SLC9A2: variants seen among roughly 807,000 people sequenced by gnomAD.
SLC9A2 encodes the protein solute carrier family 9 member A2, also known as sodium/hydrogen exchanger 2.
Under a neutral mutation model 71.7 loss-of-function variants are expected in SLC9A2, and 42 were observed. The observed-to-expected ratio is 0.59, with a 90% CI of 0.46 to 0.76. The LOEUF (loss-of-function observed/expected upper bound fraction) is 0.76. Among genes scored for constraint, SLC9A2 ranks in the 30% least tolerant of loss-of-function variants. The probability of loss-of-function intolerance (pLI) is 0.00; values close to 1 mark genes in which losing one functional copy is unlikely to be tolerated. For synonymous variants in SLC9A2, 396 were observed against 392.5 expected (o/e 1.01, Z -0.10); for missense variants, 829 against 1,017.4 (o/e 0.81, Z 2.52).
intron 1 of SLC9A2, among the ~76,000 whole-genome samples, chr2:102,657,218 A>C (rs1435259639): frequency 1.3e-5 from 2 of 149,216 alleles, no homozygotes; most frequent in Non-Finnish European, 3.0e-5. Context: ...AAAAAAAAAT[A>C]ATAATAATAA....
chr2:102,691,201 G>C lies in SLC9A2; in HGVS notation c.1426-3213G>C, dbSNP rs887608394. On this transcript the variant is annotated intron_variant, in intron 5 of 11. Transcript: ENST00000233969. ...GCCTGACCCTCAGAGGTGGTGTTTA[G>C]TATGTATGCCAAAGTGAATGAACTG... Among the ~76,000 whole-genome samples the C allele has an allele frequency of 2.6e-5, 4 of 152,302 alleles. No individual in the cohort carries two copies. In the South Asian group the frequency reaches 8.3e-4, roughly 32 times the overall value.
In SLC9A2 at chr2:102,683,333, C is replaced by A; in HGVS notation, c.1077C>A (p.Ile359=). ...ENVSQKSYTT[I]KYFMKMLSSV... ...TATCTCAGAAATCCTACACGACCAT[C>A]AAGTACTTCATGAAGATGCTGAGCA... Residue 359 remains isoleucine, a synonymous_variant, in exon 4 of 12, where the codon ATC becomes ATA. Coordinates refer to ENST00000233969, the MANE Select transcript of SLC9A2 (RefSeq NM_003048.6). 6.2e-7 allele frequency: 1 copy of A among 1,614,026 alleles called. No individual in the cohort carries two copies. The highest frequency in any genetic ancestry group is 8.5e-7 in the Non-Finnish European group (1 of 1,179,854).
At chr2:102,691,934 A>G (rs944469575) in intron 5 of SLC9A2, among the ~76,000 whole-genome samples, 1 of 152,242 alleles carries the variant, frequency 6.6e-6, no homozygotes, top group African/African-American at 2.4e-5. Flanking sequence ...GAACACTGAT[A>G]GGAAAAGAGC....
chr2:102,636,595 C>T lies in SLC9A2; in HGVS notation c.289+16458C>T, dbSNP rs2104504840. ...AGAGTCCCTGGAAAGCTTTATATGG[C>T]TTAATGATAGCAGTGTGCAAACAGC... On this transcript the variant is annotated intron_variant, in intron 1 of 11. Coordinates refer to ENST00000233969, the MANE Select transcript of SLC9A2 (RefSeq NM_003048.6). Among the ~76,000 whole-genome samples the T allele has an allele frequency of 1.3e-5, 2 of 152,256 alleles. 1 individual carries two copies. The highest frequency in any genetic ancestry group is 4.8e-5 in the African/African-American group (2 of 41,562).
chr2:102,687,372 C>A (rs1254744389), intron 5 of SLC9A2, among the ~76,000 whole-genome samples: 5 of 152,120 alleles, frequency 3.3e-5, no homozygotes, highest in African/African-American at 1.2e-4. Context: ...CAGAATACAT[C>A]AATAATTAAG....
At chr2:102,626,344 G>T (rs1676248553) in intron 1 of SLC9A2, among the ~76,000 whole-genome samples, 1 of 152,152 alleles carries the variant, frequency 6.6e-6, no homozygotes, top group African/African-American at 2.4e-5. Flanking sequence ...TTTAACAAAT[G>T]GTGCTGGGAA....
At chr2:102,621,088 G>A (rs530627969) in intron 1 of SLC9A2, among the ~76,000 whole-genome samples, 19 of 152,134 alleles carry the variant, frequency 1.2e-4, no homozygotes, top group African/African-American at 2.2e-4. Flanking sequence ...CCCAGGAGGC[G>A]GAGGTTGCAT....
chr2:102,665,389 T>A, intron 3 of SLC9A2, 39 bp downstream of exon 3: 1 of 1,573,958 alleles, frequency 6.4e-7, no homozygotes, highest in African/African-American at 1.4e-5. Context: ...ATGATGGCAT[T>A]TCATTGAATG....
chr2:102,666,338 G>T lies in SLC9A2; in HGVS notation c.1004+988G>T, dbSNP rs560283333. On this transcript the variant is annotated intron_variant, in intron 3 of 11. Transcript: ENST00000233969. ...AGCCTCCTGAGTAGCTGGGACTGCAGGCGCCCGCCACCACACCGGGCTAAT... is the reference window on the plus strand; with the variant it reads ...AGCCTCCTGAGTAGCTGGGACTGCATGCGCCCGCCACCACACCGGGCTAAT... 4.9e-3 allele frequency among the ~76,000 whole-genome samples: 739 copies of T among 152,044 alleles called. 5 individuals carry two copies. Among genetic ancestry groups the T allele is most frequent in the African/African-American group, 0.017 (691 of 41,472 alleles).
chr2:102,667,489 G>A (rs1455700430), intron 3 of SLC9A2, among the ~76,000 whole-genome samples: 1 of 152,196 alleles, frequency 6.6e-6, no homozygotes, highest in Admixed American at 6.5e-5. Context: ...GCTATTGGGG[G>A]AAAGTTGAAG....
At chr2:102,671,612 C>A (rs1347152100) in intron 3 of SLC9A2, among the ~76,000 whole-genome samples, 1 of 152,100 alleles carries the variant, frequency 6.6e-6, no homozygotes, top group Non-Finnish European at 1.5e-5. Context: ...ATGAAATTAT[C>A]TGTATTTATT....
chr2:102,655,840 T>C (rs761464696), intron 1 of SLC9A2, among the ~76,000 whole-genome samples: 2 of 152,248 alleles, frequency 1.3e-5, no homozygotes, highest in Non-Finnish European at 2.9e-5. Flanking sequence ...ATTTGGTGTC[T>C]GGTGAGTGCC....
intron 1 of SLC9A2, among the ~76,000 whole-genome samples, chr2:102,622,165 A>G (rs991740913): frequency 6.6e-6 from 1 of 152,174 alleles, no homozygotes; most frequent in African/African-American, 2.4e-5. Context: ...CCAGATACAC[A>G]CATGTTTGTA....
intron 5 of SLC9A2, among the ~76,000 whole-genome samples, chr2:102,687,296 G>A (rs1215033223): frequency 2.0e-5 from 3 of 152,046 alleles, no homozygotes; most frequent in African/African-American, 7.2e-5. Flanking sequence ...ACACACACGT[G>A]CACAAGCGTG....
In SLC9A2 at chr2:102,657,618, T is replaced by C. The variant is rs760554321; in HGVS notation, c.344T>C (p.Ile115Thr). ...ATAGTGCCTGAGAGCTGCCTTCTTATAATGGTTGGACTTCTACTAGGTGGG... is the reference window on the plus strand; with the variant it reads ...ATAGTGCCTGAGAGCTGCCTTCTTACAATGGTTGGACTTCTACTAGGTGGG... Reference protein sequence around the residue: ...PTIVPESCLLIMVGLLLGGII... With the variant: ...PTIVPESCLLTMVGLLLGGII... Residue 115 changes from isoleucine (I) to threonine (T), a missense_variant, in exon 2 of 12, where the codon ATA becomes ACA. By Grantham distance (89) the Ile-to-Thr change is moderately conservative (BLOSUM62 -1). Transcript: ENST00000233969. 21 of 1,614,024 alleles carry C rather than the reference T, an allele frequency of 1.3e-5. 2 individuals are homozygous for C. The African/African-American group carries it at 2.0e-4, about 15-fold the overall frequency.
intron 3 of SLC9A2, among the ~76,000 whole-genome samples, chr2:102,674,450 C>T (rs1053002118): frequency 2.6e-5 from 4 of 152,176 alleles, no homozygotes; most frequent in Admixed American, 2.6e-4. Flanking sequence ...GATGCTGTAG[C>T]ATTTCTCTTA....
At chr2:102,698,354 G>C (rs1381954891) in intron 7 of SLC9A2, among the ~76,000 whole-genome samples, 3 of 152,206 alleles carry the variant, frequency 2.0e-5, no homozygotes, top group Non-Finnish European at 4.4e-5. Context: ...CGGCACAGGT[G>C]TGTCTATAAA....
intron 2 of SLC9A2, among the ~76,000 whole-genome samples, chr2:102,662,168 C>T (rs1365026253): frequency 2.0e-5 from 3 of 152,214 alleles, no homozygotes; most frequent in African/African-American, 7.2e-5. Context: ...GCTGAGAGTA[C>T]AGTGCCTGTG....
intron 1 of SLC9A2, among the ~76,000 whole-genome samples, chr2:102,624,437 ATTTTCTGATGTGT>A (rs1180944187): frequency 1.3e-5 from 2 of 152,076 alleles, no homozygotes; most frequent in Admixed American, 1.3e-4. Flanking sequence ...TTGAGATAAA[ATTTTCTGATGTGT>A]TTTAAGATTG....
Sources: allele counts gnomAD v4.1 joint callset (sites outside exome capture counted in the v4.1 genomes callset), GRCh38; gene constraint gnomAD v4.1.1; transcripts MANE v1.5; gene names NCBI Gene and HGNC (gene_info 2026-07-23, HGNC 2026-07-21).